TNS3: variants seen among roughly 807,000 people sequenced by gnomAD.
The protein encoded by TNS3 is tensin-3.
A neutral mutation model predicts 140.9 loss-of-function variants in TNS3; 45 were observed. That is an observed-to-expected ratio of 0.32 (90% confidence interval 0.25 to 0.41). TNS3 has a LOEUF of 0.41. Among genes scored for constraint, TNS3 ranks in the 10% least tolerant of loss-of-function variants. The pLI is 1.00. For synonymous variants in TNS3, 815 were observed against 788.4 expected, an observed-to-expected ratio of 1.03 and a Z score of -0.56; for missense variants, 1,716 against 1,906.7, an observed-to-expected ratio of 0.90 and a Z score of 1.86.
chr7:47,373,946 G>T (rs531733095), intron 16 of TNS3, among the ~76,000 whole-genome samples: 1 of 152,124 alleles, frequency 6.6e-6, no homozygotes, highest in Admixed American at 6.5e-5. Flanking sequence ...GCCGTGCAGC[G>T]CTTGGCCACC....
At chr7:47,332,241 T>G (rs1788382912) in intron 20 of TNS3, among the ~76,000 whole-genome samples, 1 of 152,220 alleles carries the variant, frequency 6.6e-6, no homozygotes, top group African/African-American at 2.4e-5. Flanking sequence ...CTAGAGGGGA[T>G]GGAACTGTGG....
chr7:47,471,315 C>A (rs1796942360), intron 4 of TNS3, among the ~76,000 whole-genome samples: 1 of 152,184 alleles, frequency 6.6e-6, no homozygotes. Context: ...CAGCTGGAAA[C>A]AGAGGCCGGG....
At chr7:47,352,877 A>G (rs1193670213) in intron 17 of TNS3, among the ~76,000 whole-genome samples, 1 of 152,162 alleles carries the variant, frequency 6.6e-6, no homozygotes, top group African/African-American at 2.4e-5. Flanking sequence ...CCCACAGCCC[A>G]TGTGCTACAC....
At chr7:47,493,648 C>G (rs1283040904) in intron 3 of TNS3, among the ~76,000 whole-genome samples, 2 of 141,828 alleles carry the variant, frequency 1.4e-5, no homozygotes, top group Non-Finnish European at 3.0e-5. Context: ...GAAACCCTGT[C>G]TCTACTAAAA....
chr7:47,299,174 G>A (rs1786236158), intron 23 of TNS3, among the ~76,000 whole-genome samples: 1 of 152,182 alleles, frequency 6.6e-6, no homozygotes, highest in African/African-American at 2.4e-5. Flanking sequence ...CTCTCACTCT[G>A]TTGCCCAGAC....
At chr7:47,522,471 C>T (rs1267308092) in intron 2 of TNS3, among the ~76,000 whole-genome samples, 2 of 152,208 alleles carry the variant, frequency 1.3e-5, no homozygotes, top group Non-Finnish European at 2.9e-5. Flanking sequence ...CTCCTGTCCA[C>T]AGGGACCCTT....
chr7:47,441,265 G>A (rs940972951), intron 5 of TNS3, among the ~76,000 whole-genome samples: 4 of 152,136 alleles, frequency 2.6e-5, no homozygotes, highest in African/African-American at 9.7e-5. Context: ...TGCAGTCTCT[G>A]CCTCCTGGGT....
chr7:47,523,445 C>T (rs1799063414), intron 2 of TNS3, among the ~76,000 whole-genome samples: 1 of 152,236 alleles, frequency 6.6e-6, no homozygotes, highest in African/African-American at 2.4e-5. Flanking sequence ...GATCTCAGTG[C>T]ACATATGCCC....
chr7:47,373,209 A>G (rs1346942060), intron 16 of TNS3, among the ~76,000 whole-genome samples: 1 of 152,212 alleles, frequency 6.6e-6, no homozygotes, highest in Non-Finnish European at 1.5e-5. Flanking sequence ...TTATCTTTGA[A>G]GATGGGATCC....
At chr7:47,317,273 C>A (rs1448359634) in intron 20 of TNS3, among the ~76,000 whole-genome samples, 3 of 152,216 alleles carry the variant, frequency 2.0e-5, no homozygotes, top group Non-Finnish European at 4.4e-5. Flanking sequence ...CCTTTTATGA[C>A]ATTCTCATCA....
chr7:47,449,855 C>A (rs1230071672), intron 4 of TNS3, among the ~76,000 whole-genome samples: 1 of 152,232 alleles, frequency 6.6e-6, no homozygotes, highest in Non-Finnish European at 1.5e-5. Flanking sequence ...ATATGCCCGC[C>A]TCGGCCTCCC....
At chr7:47,432,956 T>G (rs1274740237) in intron 8 of TNS3, among the ~76,000 whole-genome samples, 1 of 152,214 alleles carries the variant, frequency 6.6e-6, no homozygotes, top group Non-Finnish European at 1.5e-5. Context: ...ATGGGTATTC[T>G]TCACCATGGA....
chr7:47,376,447 C>T lies in TNS3; in HGVS notation c.1025-6826G>A, dbSNP rs557192426. On this transcript the variant is annotated intron_variant, in intron 16 of 30. Transcript: ENST00000311160. ...TCAGCTGACCTCCTAAAGACAAGGCCACCGTGCAAGCTCCTCCCATGCGCC... is the reference window on the plus strand; with the variant it reads ...TCAGCTGACCTCCTAAAGACAAGGCTACCGTGCAAGCTCCTCCCATGCGCC... Among the ~76,000 whole-genome samples the T allele has an allele frequency of 2.4e-4, 36 of 152,300 alleles. 1 individual carries two copies. In the South Asian group the frequency reaches 7.5e-3, roughly 32 times the overall value.
At chr7:47,413,912 C>T in intron 12 of TNS3, 25 bp downstream of exon 12, 3 of 1,610,832 alleles carry the variant, frequency 1.9e-6, no homozygotes, top group Non-Finnish European at 2.5e-6. Flanking sequence ...CCCACAACAG[C>T]AGCAGCAGCA....
intron 1 of TNS3, among the ~76,000 whole-genome samples, chr7:47,546,594 A>G (rs1191784616): frequency 6.6e-6 from 1 of 152,192 alleles, no homozygotes; most frequent in Non-Finnish European, 1.5e-5. Context: ...ATATCACTAA[A>G]GTATACTTAC....
intron 16 of TNS3, among the ~76,000 whole-genome samples, chr7:47,372,299 G>C (rs1242597122): frequency 6.6e-6 from 1 of 152,066 alleles, no homozygotes; most frequent in Non-Finnish European, 1.5e-5. Context: ...ACGCTGCTAA[G>C]TCTATATGAC....
intron 2 of TNS3, among the ~76,000 whole-genome samples, chr7:47,526,520 C>T (rs1010256025): frequency 3.3e-5 from 5 of 152,236 alleles, no homozygotes; most frequent in African/African-American, 1.2e-4. Context: ...ACCCTAAGTC[C>T]TAGACCCAGA....
At chr7:47,450,409 G>C (rs1795962922) in intron 4 of TNS3, among the ~76,000 whole-genome samples, 2 of 152,220 alleles carry the variant, frequency 1.3e-5, no homozygotes, top group Admixed American at 6.5e-5. Flanking sequence ...CTAACAGTGT[G>C]ACTTGGATAC....
At chr7:47,501,020 G>A (rs141174649) in intron 3 of TNS3, among the ~76,000 whole-genome samples, 1,849 of 152,262 alleles carry the variant, frequency 0.012, 26 homozygotes, top group Non-Finnish European at 0.017. Context: ...CCCAAGAGGT[G>A]GACGTTGCTG....
Sources: gnomAD v4.1 joint callset for allele counts (sites outside exome capture counted in the v4.1 genomes callset) on GRCh38, gnomAD v4.1.1 for gene constraint, MANE v1.5 for transcripts, NCBI Gene and HGNC (gene_info 2026-07-23, HGNC 2026-07-21) for gene names.